BMAL2: variants seen among roughly 807,000 people sequenced by gnomAD.
BMAL2 encodes the protein basic helix-loop-helix ARNT like 2, also known as basic helix-loop-helix ARNT-like protein 2.
the BMAL2 span, among the ~76,000 whole-genome samples, chr12:27,346,097 A>G: frequency 2.3e-3 from 352 of 152,334 alleles, no homozygotes; most frequent in Non-Finnish European, 4.3e-3. Context: ...ACTGGACTTG[A>G]TAACTGTTTT....
the BMAL2 span, among the ~76,000 whole-genome samples, chr12:27,386,315 G>A: frequency 2.8e-4 from 42 of 152,242 alleles, no homozygotes; most frequent in East Asian, 7.4e-3. Context: ...CTCGTCAGTC[G>A]TACCTTCATG....
chr12:27,356,785 G>A, the BMAL2 span, among the ~76,000 whole-genome samples: 1 of 151,962 alleles, frequency 6.6e-6, no homozygotes, highest in Non-Finnish European at 1.5e-5. Flanking sequence ...AGGTTTTGGG[G>A]GAACAGGTGG....
At chr12:27,343,923 C>A in the BMAL2 span, among the ~76,000 whole-genome samples, 1 of 152,294 alleles carries the variant, frequency 6.6e-6, no homozygotes, top group Admixed American at 6.5e-5. Flanking sequence ...TGTTTCTCCT[C>A]CCTCTTTGCC....
the BMAL2 span, among the ~76,000 whole-genome samples, chr12:27,338,265 A>G: frequency 6.6e-6 from 1 of 152,214 alleles, no homozygotes; most frequent in Non-Finnish European, 1.5e-5. Context: ...TACAAAATCT[A>G]TTAGGCTGGG....
chr12:27,377,000 C>CAAAA, the BMAL2 span, among the ~76,000 whole-genome samples: 23 of 91,702 alleles, frequency 2.5e-4, no homozygotes, highest in Non-Finnish European at 4.1e-4. Flanking sequence ...AACTCCGTCT[C>CAAAA]AAAAAAAAAA....
the BMAL2 span, among the ~76,000 whole-genome samples, chr12:27,344,796 C>G: frequency 6.6e-6 from 1 of 152,190 alleles, no homozygotes; most frequent in Non-Finnish European, 1.5e-5. Flanking sequence ...CTTTATTTCT[C>G]TGAGCCTTGG....
At chr12:27,400,757 T>A in the BMAL2 span, 1 of 1,610,758 alleles carries the variant, frequency 6.2e-7, no homozygotes, top group South Asian at 1.1e-5. Flanking sequence ...ATGGAAAATT[T>A]GTCTATGTAG....
chr12:27,363,430 G>T, the BMAL2 span, among the ~76,000 whole-genome samples: 146,222 of 152,290 alleles, frequency 0.96, 70,203 homozygotes, highest in East Asian at 1. Context: ...CAACTTACAT[G>T]CTTGCCAGCA....
the BMAL2 span, chr12:27,401,298 G>C: frequency 6.2e-7 from 1 of 1,614,046 alleles, no homozygotes; most frequent in South Asian, 1.1e-5. Flanking sequence ...GAACTTTTGG[G>C]AACTTCTTGT....
chr12:27,364,329 A>C, the BMAL2 span, among the ~76,000 whole-genome samples: 12 of 152,204 alleles, frequency 7.9e-5, no homozygotes, highest in Admixed American at 6.5e-5. Flanking sequence ...TTTAGGTCTC[A>C]AATCCAACTG....
chr12:27,407,762 A>C, the BMAL2 span, among the ~76,000 whole-genome samples: 3 of 152,202 alleles, frequency 2.0e-5, no homozygotes, highest in Non-Finnish European at 4.4e-5. Context: ...ACTGAAGGAG[A>C]TAGAGACACA....
the BMAL2 span, chr12:27,401,424 A>C: frequency 6.4e-7 from 1 of 1,557,892 alleles, no homozygotes; most frequent in Non-Finnish European, 8.8e-7. Context: ...TTAACTCTTA[A>C]TTTCCCATTC....
chr12:27,378,293 C>T, the BMAL2 span, among the ~76,000 whole-genome samples: 2 of 152,158 alleles, frequency 1.3e-5, no homozygotes, highest in Non-Finnish European at 2.9e-5. Context: ...CAATTGGTGG[C>T]TCTTAGATTT....
At chr12:27,356,901 A>AC in the BMAL2 span, among the ~76,000 whole-genome samples, 9 of 146,836 alleles carry the variant, frequency 6.1e-5, no homozygotes, top group African/African-American at 1.8e-4. Flanking sequence ...TTTATCCCTC[A>AC]CCCCCCCACC....
chr12:27,417,991 T>A, the BMAL2 span: 1 of 737,998 alleles, frequency 1.4e-6, no homozygotes, highest in Non-Finnish European at 2.0e-6. Context: ...AGCCTCCATC[T>A]CAAAAAAATA....
the BMAL2 span, among the ~76,000 whole-genome samples, chr12:27,334,790 G>A: frequency 2.6e-5 from 4 of 152,228 alleles, no homozygotes; most frequent in South Asian, 2.1e-4. Context: ...GGGAGAGCCC[G>A]CAGGTATGAG....
chr12:27,356,155 T>C, the BMAL2 span, among the ~76,000 whole-genome samples: 1 of 152,208 alleles, frequency 6.6e-6, no homozygotes, highest in Non-Finnish European at 1.5e-5. Context: ...GATTACAGTC[T>C]TTATTACAGA....
the BMAL2 span, among the ~76,000 whole-genome samples, chr12:27,374,951 A>G: frequency 7.9e-5 from 12 of 152,336 alleles, no homozygotes; most frequent in South Asian, 1.4e-3. Flanking sequence ...GAAAAGCACC[A>G]CTTGATTAAG....
the BMAL2 span, among the ~76,000 whole-genome samples, chr12:27,416,358 G>T: frequency 3.3e-5 from 5 of 151,966 alleles, no homozygotes; most frequent in African/African-American, 1.2e-4. Flanking sequence ...TATTGTAATA[G>T]GTTCCAATTT....
Sources: gnomAD v4.1 joint callset for allele counts (sites outside exome capture counted in the v4.1 genomes callset) on GRCh38, gnomAD v4.1.1 for gene constraint, MANE v1.5 for transcripts, NCBI Gene and HGNC (gene_info 2026-07-23, HGNC 2026-07-21) for gene names.